Variants in AP1S3 observed in about 807,000 individuals in gnomAD.
AP1S3 encodes adaptor related protein complex 1 subunit sigma 3.
AP1S3 carries 10 observed loss-of-function variants against 20.9 expected under a neutral mutation model. The observed-to-expected ratio is 0.48, with a 90% confidence interval of 0.29 to 0.81. The LOEUF is 0.81. AP1S3 is among the 30% of genes least tolerant of loss of function. AP1S3 has a pLI of 0.08. For synonymous variants in AP1S3, 41 were observed against 61.5 expected, an observed-to-expected ratio of 0.67 and a Z score of 1.56; for missense variants, 154 against 183.8, an observed-to-expected ratio of 0.84 and a Z score of 0.94.
intron 1 of AP1S3, among the ~76,000 whole-genome samples, chr2:223,793,531 A>G (rs1691257258): frequency 6.6e-6 from 1 of 152,138 alleles, no homozygotes; most frequent in African/African-American, 2.4e-5. Flanking sequence ...ATGAGAACAC[A>G]TGGACACATT....
intron 3 of AP1S3, among the ~76,000 whole-genome samples, chr2:223,775,067 A>G (rs2106087986): frequency 6.6e-6 from 1 of 152,136 alleles, no homozygotes; most frequent in Non-Finnish European, 1.5e-5. Context: ...AGAAAGCGTC[A>G]TGGTGAGCAA....
chr2:223,774,372 TAATAAATAAATAAATAAATA>T (rs56121039), intron 3 of AP1S3, among the ~76,000 whole-genome samples: 8 of 145,532 alleles, frequency 5.5e-5, no homozygotes, highest in African/African-American at 2.0e-4. Flanking sequence ...TCTCAATAAA[TAATAAATAAATAAATAAATA>T]AATAAATAAA....
chr2:223,827,040 C>T (rs186427118), intron 1 of AP1S3, among the ~76,000 whole-genome samples: 157 of 152,294 alleles, frequency 1.0e-3, no homozygotes, highest in African/African-American at 3.6e-3. Context: ...GTATATCCAT[C>T]ATACCCTTTC....
intron 4 of AP1S3, among the ~76,000 whole-genome samples, chr2:223,759,113 CGAT>C (rs1690292318): frequency 6.6e-6 from 1 of 151,880 alleles, no homozygotes; most frequent in African/African-American, 2.4e-5. Flanking sequence ...AACCCCATCT[CGAT>C]GAAAAATACA....
At position 223,836,696 on chromosome 2, in the gene AP1S3, T is replaced by C. The variant is rs191921466; in HGVS notation, c.3+752A>G. ...CAGAGCCGAGACCACACCACTGCAC[T>C]TCAGCCTGGGCGACAGAGCGAGATC... On this transcript the variant is annotated intron_variant, in intron 1 of 4. Transcript: ENST00000396654. Among the ~76,000 whole-genome samples the C allele has an allele frequency of 3.7e-3, 568 of 152,248 alleles. 4 individuals are homozygous for C. The highest frequency in any genetic ancestry group is 4.0e-3 in the Non-Finnish European group (271 of 68,020).
intron 1 of AP1S3, among the ~76,000 whole-genome samples, chr2:223,785,380 G>A (rs1196686509): frequency 6.6e-6 from 1 of 152,076 alleles, no homozygotes; most frequent in African/African-American, 2.4e-5. Flanking sequence ...TATATTGTGT[G>A]TGTAGTATAA....
intron 1 of AP1S3, among the ~76,000 whole-genome samples, chr2:223,830,182 C>T (rs1279576758): frequency 2.6e-5 from 4 of 151,904 alleles, no homozygotes; most frequent in African/African-American, 7.3e-5. Flanking sequence ...TGTGTTAATA[C>T]AAAAATATTT....
rs762402978 is a variant in AP1S3, at chr2:223,756,480, AAG to A, written c.*2233_*2234del. ...AAGAAAGAAAGAAAAGAAAGAAAGAAAGAAAAAAAGAAAGAAAAAATTCTAAC... is the reference window on the plus strand; with the variant it reads ...AAGAAAGAAAGAAAAGAAAGAAAGAAAAAAAAAGAAAGAAAAAATTCTAAC... On this transcript the variant is annotated 3_prime_UTR_variant, in exon 5 of 5. Coordinates refer to ENST00000396654, the MANE Select transcript of AP1S3 (RefSeq NM_001039569.2). 1.2e-5 allele frequency: 11 copies of A among 950,400 alleles called. No individual in the cohort carries two copies. In the South Asian group the frequency reaches 2.4e-4, roughly 21 times the overall value. 58.9% of individuals were successfully genotyped at this position (950,400 alleles called of 1,614,324 possible).
rs552055844 is a variant in AP1S3 at position 223,782,342 on chromosome 2, TC to T, written c.4-4474del. 2.1e-4 allele frequency among the ~76,000 whole-genome samples: 32 copies of T among 152,268 alleles called. No homozygotes were observed. The South Asian group carries it at 6.4e-3, about 31-fold the overall frequency. Reference sequence around the variant, plus strand: ...TTAAGTCTTCTTTTAGCCTTTTCCTTCCAGACAAAATAAACCCAGTTTTATG... The same window carrying T: ...TTAAGTCTTCTTTTAGCCTTTTCCTTCAGACAAAATAAACCCAGTTTTATG... On this transcript the variant is annotated intron_variant, in intron 1 of 4. Coordinates refer to ENST00000396654, the MANE Select transcript of AP1S3 (RefSeq NM_001039569.2).
Position 223,833,882 on chromosome 2 carries a change from T to TTTTATTTATTTA in AP1S3, c.3+3554_3+3565dup, listed in dbSNP as rs71408596. Among the ~76,000 whole-genome samples, 1,457 of 146,016 alleles carry TTTTATTTATTTA rather than the reference T, an allele frequency of 1.0e-2. 14 individuals are homozygous for TTTTATTTATTTA. Among genetic ancestry groups the TTTTATTTATTTA allele is most frequent in the African/African-American group, 0.022 (862 of 39,568 alleles). ...AACTTTTTGGATGCCTTTACACTCT[T>TTTTATTTATTTA]TTTATTTATTTATTTATTTATTTAT... On this transcript the variant is annotated intron_variant, in intron 1 of 4. Transcript: ENST00000396654.
chr2:223,769,276 T>C (rs115980237), intron 3 of AP1S3, among the ~76,000 whole-genome samples: 6 of 152,250 alleles, frequency 3.9e-5, no homozygotes, highest in Non-Finnish European at 8.8e-5. Context: ...GATTTGTATA[T>C]TTAAAATTGA....
intron 1 of AP1S3, among the ~76,000 whole-genome samples, chr2:223,811,812 C>T (rs542026377): frequency 3.9e-5 from 6 of 152,206 alleles, no homozygotes; most frequent in South Asian, 4.1e-4. Context: ...TGTCTTAAGG[C>T]CTGCTTATTC....
At chr2:223,818,870 T>A (rs1691919876) in intron 1 of AP1S3, among the ~76,000 whole-genome samples, 1 of 152,164 alleles carries the variant, frequency 6.6e-6, no homozygotes, top group South Asian at 2.1e-4. Context: ...TCAAAGTTGT[T>A]CTTACACCAG....
intron 1 of AP1S3, among the ~76,000 whole-genome samples, chr2:223,780,355 A>AGTGT (rs1559280876): frequency 2.7e-4 from 15 of 54,970 alleles, no homozygotes; most frequent in African/African-American, 6.3e-4. Context: ...AGAGAGAGAG[A>AGTGT]GAGTGTGTGT....
At chr2:223,817,068 T>C (rs1574723906) in intron 1 of AP1S3, among the ~76,000 whole-genome samples, 2 of 152,076 alleles carry the variant, frequency 1.3e-5, no homozygotes, top group Admixed American at 1.3e-4. Flanking sequence ...GAGGTTGCAG[T>C]GAGCCGAGCT....
intron 1 of AP1S3, among the ~76,000 whole-genome samples, chr2:223,835,983 A>G (rs570224670): frequency 5.9e-5 from 9 of 152,316 alleles, no homozygotes; most frequent in Non-Finnish European, 2.9e-5. Flanking sequence ...CATTATTTAC[A>G]GCATTGTTTT....
At chr2:223,807,258 C>T (rs1205242791) in intron 1 of AP1S3, among the ~76,000 whole-genome samples, 1 of 152,024 alleles carries the variant, frequency 6.6e-6, no homozygotes, top group Non-Finnish European at 1.5e-5. Flanking sequence ...CAGAGTAAGA[C>T]CCTGTCTCAA....
chr2:223,768,902 G>A (rs889267353), intron 3 of AP1S3, among the ~76,000 whole-genome samples: 2 of 152,082 alleles, frequency 1.3e-5, no homozygotes, highest in African/African-American at 2.4e-5. Flanking sequence ...ATATGCTAGA[G>A]ATTAATGGCA....
At chr2:223,806,245 G>C (rs762178772) in intron 1 of AP1S3, among the ~76,000 whole-genome samples, 1 of 150,404 alleles carries the variant, frequency 6.6e-6, no homozygotes, top group Non-Finnish European at 1.5e-5. Context: ...GAAAGGAATG[G>C]TCACATTTCA....
Sources: allele counts gnomAD v4.1 joint callset (sites outside exome capture counted in the v4.1 genomes callset), GRCh38; gene constraint gnomAD v4.1.1; transcripts MANE v1.5; gene names NCBI Gene and HGNC (gene_info 2026-07-23, HGNC 2026-07-21).